The following WDPCP variants were observed in gnomAD, a reference collection of about 807,000 sequenced individuals.
The protein encoded by WDPCP is WD repeat-containing and planar cell polarity effector protein fritz homolog.
In WDPCP, 71 loss-of-function variants were observed where a neutral mutation model predicts 93.1. The observed-to-expected ratio is 0.76, with a 90% CI of 0.63 to 0.93. WDPCP has a LOEUF of 0.93. Among genes scored for constraint, WDPCP ranks in the 40% least tolerant of loss-of-function variants. The pLI is 0.00. For missense variants in WDPCP, 844 were observed against 887.4 expected, an observed-to-expected ratio of 0.95 and a Z score of 0.62; for synonymous variants, 315 against 315.0, an observed-to-expected ratio of 1.00 and a Z score of 0.00.
chr2:63,225,530 T>C (rs1338684394), intron 14 of WDPCP, among the ~76,000 whole-genome samples: 1 of 151,774 alleles, frequency 6.6e-6, no homozygotes, highest in Non-Finnish European at 1.5e-5. Flanking sequence ...GTCCCAGATA[T>C]TATACCCAAA....
intron 1 of WDPCP, among the ~76,000 whole-genome samples, chr2:63,530,549 T>G (rs965314635): frequency 3.3e-5 from 5 of 152,188 alleles, no homozygotes; most frequent in African/African-American, 1.2e-4. Context: ...GCCCTTTTCA[T>G]GTCACTTTAA....
At chr2:63,213,504 G>T (rs186817500) in intron 14 of WDPCP, among the ~76,000 whole-genome samples, 2 of 152,268 alleles carry the variant, frequency 1.3e-5, no homozygotes, top group African/African-American at 2.4e-5. Context: ...AGCACTAAAT[G>T]CCCACAAGAG....
At chr2:63,317,272 G>A (rs1203503044) in intron 12 of WDPCP, among the ~76,000 whole-genome samples, 1 of 151,988 alleles carries the variant, frequency 6.6e-6, no homozygotes, top group African/African-American at 2.4e-5. Context: ...GCTGGGCGTG[G>A]TGGCGGGCAC....
the WDPCP span, among the ~76,000 whole-genome samples, chr2:63,833,404 A>C: frequency 6.6e-6 from 1 of 152,204 alleles, no homozygotes; most frequent in East Asian, 1.9e-4. Context: ...TAAGTGACAA[A>C]ATTTGAAATA....
At chr2:63,208,012 T>C (rs537709357) in intron 14 of WDPCP, among the ~76,000 whole-genome samples, 7 of 152,302 alleles carry the variant, frequency 4.6e-5, no homozygotes, top group Non-Finnish European at 8.8e-5. Flanking sequence ...TAAGTTAATG[T>C]TCATTTCTAA....
upstream of WDPCP, among the ~76,000 whole-genome samples, chr2:63,589,642 T>C (rs10469945): frequency 0.8 from 122,292 of 152,222 alleles, 49,785 homozygotes; most frequent in East Asian, 0.98. Flanking sequence ...CATCACTAAC[T>C]AAATAACTAC....
intron 1 of WDPCP, among the ~76,000 whole-genome samples, chr2:63,526,589 G>A (rs1467726120): frequency 6.6e-6 from 1 of 152,050 alleles, no homozygotes; most frequent in Non-Finnish European, 1.5e-5. Flanking sequence ...CCAGAAACCT[G>A]TGCTTTCTAT....
chr2:63,802,854 A>T (rs935359717), intron 2 of WDPCP, among the ~76,000 whole-genome samples: 1 of 152,246 alleles, frequency 6.6e-6, no homozygotes, highest in African/African-American at 2.4e-5. Flanking sequence ...GATTATTAGA[A>T]GTAGGCTTGG....
chr2:63,726,128 C>T (rs530158219), intron 2 of WDPCP, among the ~76,000 whole-genome samples: 2 of 152,122 alleles, frequency 1.3e-5, no homozygotes, highest in African/African-American at 4.8e-5. Flanking sequence ...GGTATATGTC[C>T]AGAATAGTAT....
chr2:63,154,299 C>T (rs1672081660), intron 15 of WDPCP, among the ~76,000 whole-genome samples: 1 of 152,006 alleles, frequency 6.6e-6, no homozygotes, highest in Non-Finnish European at 1.5e-5. Context: ...CCCTTATATA[C>T]TTTATAGTCA....
intron 2 of WDPCP, among the ~76,000 whole-genome samples, chr2:63,685,353 A>G (rs904754892): frequency 6.6e-6 from 1 of 152,182 alleles, no homozygotes; most frequent in Non-Finnish European, 1.5e-5. Context: ...AGGAAATATA[A>G]GAGAAATGGA....
chr2:63,592,097 TG>T (rs1416724138), upstream of WDPCP, among the ~76,000 whole-genome samples: 3 of 152,330 alleles, frequency 2.0e-5, no homozygotes, highest in East Asian at 5.8e-4. Context: ...GTATCCTTTT[TG>T]TTTCCTTCAC....
intron 9 of WDPCP, among the ~76,000 whole-genome samples, 161 bp downstream of exon 9, chr2:63,433,584 C>T (rs143027174): frequency 6.6e-6 from 1 of 152,214 alleles, no homozygotes; most frequent in African/African-American, 2.4e-5. Context: ...TTCTAGCCAG[C>T]CCTGGAATTG....
At chr2:63,612,742 A>T (rs1407610432) in intron 3 of WDPCP, among the ~76,000 whole-genome samples, 1 of 152,130 alleles carries the variant, frequency 6.6e-6, no homozygotes, top group Non-Finnish European at 1.5e-5. Flanking sequence ...TCAGTTACTC[A>T]TCACTGAGTT....
At chr2:63,324,367 A>G (rs886258208) in intron 12 of WDPCP, among the ~76,000 whole-genome samples, 1 of 152,106 alleles carries the variant, frequency 6.6e-6, no homozygotes, top group Non-Finnish European at 1.5e-5. Flanking sequence ...GAAGGAAATA[A>G]GCAAAGAAAT....
chr2:63,657,654 G>A (rs924439327), intron 2 of WDPCP, among the ~76,000 whole-genome samples: 3 of 152,098 alleles, frequency 2.0e-5, no homozygotes, highest in African/African-American at 7.2e-5. Flanking sequence ...GTAAGCGGGC[G>A]GATTTGAGAT....
At chr2:63,318,192 A>C (rs1190106142) in intron 12 of WDPCP, among the ~76,000 whole-genome samples, 1 of 152,246 alleles carries the variant, frequency 6.6e-6, no homozygotes, top group Non-Finnish European at 1.5e-5. Flanking sequence ...CGTTAGAGAA[A>C]TGTGAATCAA....
rs895841788 is a variant in WDPCP, at chr2:63,502,880, G to C, written c.76-9940C>G. ...AGATTTAGACCCCAGCCAGACTGTG[G>C]TTCTTCACAGCTGCTAACCACTGGT... is the stretch of plus-strand genomic sequence containing the variant. On this transcript the variant is annotated intron_variant, in intron 1 of 17. Coordinates refer to ENST00000272321, the MANE Select transcript of WDPCP (RefSeq NM_015910.7). 2.6e-5 allele frequency among the ~76,000 whole-genome samples: 4 copies of C among 152,120 alleles called. No homozygotes were observed. The South Asian group carries it at 8.3e-4, about 31-fold the overall frequency.
chr2:63,434,012 A>T (rs1282698847), intron 8 of WDPCP, 76 bp from the exon 9 acceptor site: 7 of 1,457,584 alleles, frequency 4.8e-6, no homozygotes, highest in Admixed American at 1.9e-5. Flanking sequence ...CAAAAATTAA[A>T]GCATCTGGAA....
Sources: allele counts gnomAD v4.1 joint callset (sites outside exome capture counted in the v4.1 genomes callset), GRCh38; gene constraint gnomAD v4.1.1; transcripts MANE v1.5; gene names NCBI Gene and HGNC (gene_info 2026-07-23, HGNC 2026-07-21).